Variants in EMILIN2 observed in about 807,000 individuals in gnomAD.
EMILIN2 encodes EMILIN-2.
In EMILIN2, 71 loss-of-function variants were observed where a neutral mutation model predicts 87.1. The observed-to-expected ratio is 0.82, with a 90% CI of 0.67 to 0.99. EMILIN2 has a LOEUF of 0.99. EMILIN2 is among the 50% of genes least tolerant of loss of function. The pLI is 0.00. For missense variants in EMILIN2, 1,407 were observed against 1,371.8 expected, an observed-to-expected ratio of 1.03 and a Z score of -0.40; for synonymous variants, 581 against 563.4, an observed-to-expected ratio of 1.03 and a Z score of -0.44.
chr18:2,910,451 T>A (rs1364681291), intron 7 of EMILIN2, among the ~76,000 whole-genome samples: 1 of 152,172 alleles, frequency 6.6e-6, no homozygotes, highest in Non-Finnish European at 1.5e-5. Flanking sequence ...AGTGTCCACC[T>A]GGGCTGGGCT....
chr18:2,865,845 C>T (rs560050855), intron 2 of EMILIN2, among the ~76,000 whole-genome samples: 17 of 152,332 alleles, frequency 1.1e-4, no homozygotes, highest in Middle Eastern at 3.4e-3. Flanking sequence ...CCTTGAGCTA[C>T]GGTGGGCTCC....
intron 2 of EMILIN2, among the ~76,000 whole-genome samples, chr18:2,849,700 A>T (rs2076593404): frequency 1.3e-5 from 2 of 152,242 alleles, no homozygotes; most frequent in South Asian, 4.1e-4. Flanking sequence ...TTATTTCAAT[A>T]ATAACCATAT....
intron 3 of EMILIN2, among the ~76,000 whole-genome samples, chr18:2,888,733 AG>A (rs1568472671): frequency 7.0e-5 from 10 of 141,848 alleles, no homozygotes; most frequent in South Asian, 6.6e-4. Flanking sequence ...AAAAAAAAAG[AG>A]AGAGAGAGAG....
At chr18:2,885,960 A>G (rs922878619) in intron 3 of EMILIN2, among the ~76,000 whole-genome samples, 2 of 152,264 alleles carry the variant, frequency 1.3e-5, no homozygotes, top group Non-Finnish European at 2.9e-5. Context: ...CTGTAAAAAT[A>G]GATTTTAAAA....
intron 4 of EMILIN2, among the ~76,000 whole-genome samples, chr18:2,893,136 TAAAAA>T (rs756958610): frequency 2.0e-5 from 3 of 152,178 alleles, no homozygotes; most frequent in Admixed American, 6.5e-5. Context: ...ACATTGAAAA[TAAAAA>T]AGGAAAACTG....
At chr18:2,906,508 G>A (rs1259787786) in intron 4 of EMILIN2, 2 of 324,758 alleles carry the variant, frequency 6.2e-6, no homozygotes, top group Non-Finnish European at 1.1e-5. Context: ...GGAGCCAAGA[G>A]TGAGGCCGGT....
chr18:2,880,623 C>T lies in EMILIN2; in HGVS notation c.258-4341C>T, dbSNP rs1300109612. Among the ~76,000 whole-genome samples, 6 of 152,222 alleles carry T rather than the reference C, an allele frequency of 3.9e-5. No individual in the cohort carries two copies. The highest frequency in any genetic ancestry group is 2.1e-4 in the South Asian group (1 of 4,836). ...CCGCCCCTCCAGCGCTGCGCAGCCC[C>T]GCCGCCTTAACTTTTCCTCTGGCTG... On this transcript the variant is annotated intron_variant, in intron 2 of 7. Coordinates refer to ENST00000254528, the MANE Select transcript of EMILIN2 (RefSeq NM_032048.3). The surrounding 1 kb of genome is among the most constrained non-coding windows in gnomAD (Gnocchi z 4.1).
At chr18:2,864,804 C>A (rs1468044383) in intron 2 of EMILIN2, among the ~76,000 whole-genome samples, 1 of 152,120 alleles carries the variant, frequency 6.6e-6, no homozygotes, top group East Asian at 1.9e-4. Context: ...TAATATCCTG[C>A]AGAGTGTTTT....
chr18:2,896,738 C>T (rs887736044), intron 4 of EMILIN2, among the ~76,000 whole-genome samples: 1 of 152,150 alleles, frequency 6.6e-6, no homozygotes, highest in Non-Finnish European at 1.5e-5. Context: ...TCGCCTGCCT[C>T]AGCCTGGGAT....
rs1042107905 is a variant in EMILIN2 at position 2,850,000 on chromosome 18, C to A, written c.257+2069C>A. Among the ~76,000 whole-genome samples, 5 of 152,066 alleles carry A rather than the reference C, an allele frequency of 3.3e-5. No homozygotes were observed. The South Asian group carries it at 1.0e-3, about 32-fold the overall frequency. ...GGGGTGCAGTGGCGTGATCTTGGCTCACTGCAACAACTGCCTCCTGGGTTC... is the reference window on the plus strand; with the variant it reads ...GGGGTGCAGTGGCGTGATCTTGGCTAACTGCAACAACTGCCTCCTGGGTTC... On this transcript the variant is annotated intron_variant, in intron 2 of 7. Coordinates refer to ENST00000254528, the MANE Select transcript of EMILIN2 (RefSeq NM_032048.3).
chr18:2,894,196 C>T lies in EMILIN2; in HGVS notation c.2359+1710C>T, dbSNP rs932006842. On this transcript the variant is annotated intron_variant, in intron 4 of 7. Transcript: ENST00000254528. The surrounding 1 kb of genome is among the most constrained non-coding windows in gnomAD (Gnocchi z 5.0). ...CTAGAACGTGGGAAGCAGGCGAGCT[C>T]TGGCTTGGTCAGGGAGAGCCAGGGC... 2.6e-5 allele frequency among the ~76,000 whole-genome samples: 4 copies of T among 152,148 alleles called. No homozygotes were observed. The highest frequency in any genetic ancestry group is 9.7e-5 in the African/African-American group (4 of 41,434).
chr18:2,877,927 G>A (rs956840276), intron 2 of EMILIN2, among the ~76,000 whole-genome samples: 9 of 152,196 alleles, frequency 5.9e-5, no homozygotes, highest in African/African-American at 1.7e-4. Context: ...AGGACATTAC[G>A]CTAAGTGAAA....
chr18:2,846,954 G>C (rs2076577107), upstream of EMILIN2: 1 of 998,746 alleles, frequency 1.0e-6, no homozygotes, highest in Non-Finnish European at 1.2e-6. This position sits in a 1 kb window ranked among gnomAD's most constrained non-coding sequence, Gnocchi z 5.3. Context: ...CACCCGGGGG[G>C]ACCTGTGCGT....
intron 7 of EMILIN2, 83 bp from the exon 8 acceptor site, chr18:2,912,984 T>TTAA: frequency 7.0e-7 from 1 of 1,433,726 alleles, no homozygotes; most frequent in South Asian, 1.2e-5. Flanking sequence ...CAGGCCCAGG[T>TTAA]TAATCACTGG....
chr18:2,889,511 A>G (rs961108994), intron 3 of EMILIN2, among the ~76,000 whole-genome samples: 5 of 151,848 alleles, frequency 3.3e-5, no homozygotes, highest in Admixed American at 3.3e-4. Flanking sequence ...AGGTTTCAAT[A>G]GTCTCCTTTT....
At chr18:2,907,989 T>A (rs137900430) in intron 5 of EMILIN2, among the ~76,000 whole-genome samples, 1 of 152,182 alleles carries the variant, frequency 6.6e-6, no homozygotes, top group Non-Finnish European at 1.5e-5. Context: ...GGTGCCCCCA[T>A]GGCCCCTGAT....
Position 2,848,761 on chromosome 18 carries a change from AAATT to A in EMILIN2, c.257+835_257+838del, listed in dbSNP as rs1440318271. On this transcript the variant is annotated intron_variant, in intron 2 of 7. Coordinates refer to ENST00000254528, the MANE Select transcript of EMILIN2 (RefSeq NM_032048.3). The surrounding 1 kb of genome is among the most constrained non-coding windows in gnomAD (Gnocchi z 4.1). Reference sequence around the variant, plus strand: ...TGTTGAGGAACACATGTGATGGCTGAAATTAATTGTTTTCCACTAAGAATAAGTT... The same window carrying A: ...TGTTGAGGAACACATGTGATGGCTGAAATTGTTTTCCACTAAGAATAAGTT... Among the ~76,000 whole-genome samples, 6 of 152,218 alleles carry A rather than the reference AAATT, an allele frequency of 3.9e-5. No individual in the cohort carries two copies. Among genetic ancestry groups the A allele is most frequent in the African/African-American group, 1.4e-4 (6 of 41,452 alleles).
At chr18:2,871,299 A>C (rs1391863057) in intron 2 of EMILIN2, among the ~76,000 whole-genome samples, 2 of 151,670 alleles carry the variant, frequency 1.3e-5, no homozygotes, top group Non-Finnish European at 2.9e-5. Context: ...CTGGCCTCGA[A>C]CTCCTGGGCT....
chr18:2,913,631 TGGAC>T lies in EMILIN2; in HGVS notation c.*228_*231del. 2.0e-6 allele frequency: 1 copy of T among 495,818 alleles called. No individual in the cohort carries two copies. Among genetic ancestry groups the T allele is most frequent in the Non-Finnish European group, 3.6e-6 (1 of 280,292 alleles). 30.7% of individuals were successfully genotyped at this position (495,818 alleles called of 1,614,324 possible). On this transcript the variant is annotated 3_prime_UTR_variant, in exon 8 of 8. Coordinates refer to ENST00000254528, the MANE Select transcript of EMILIN2 (RefSeq NM_032048.3). ...CCACTGACTTTTCTGCCACTCTAAC[TGGAC>T]AACTGGAAGACTTGGAAAGGCCTCC...
Sources: gnomAD v4.1 joint callset for allele counts (sites outside exome capture counted in the v4.1 genomes callset) on GRCh38, gnomAD v4.1.1 for gene constraint, Gnocchi (gnomAD v3.1) non-coding constraint, MANE v1.5 for transcripts, NCBI Gene and HGNC (gene_info 2026-07-23, HGNC 2026-07-21) for gene names.